Variants in POC5 observed in about 807,000 individuals in gnomAD.
POC5 encodes centrosomal protein POC5.
In POC5, 48 loss-of-function variants were observed where a neutral mutation model predicts 62.9. The ratio of observed to expected loss-of-function variants is 0.76; its 90% CI spans 0.61 to 0.97. POC5 has a LOEUF of 0.97. POC5 is among the 50% of genes least tolerant of loss of function. The pLI is 0.00. For missense variants in POC5, 696 were observed against 679.5 expected (o/e 1.02, Z -0.27); for synonymous variants, 236 against 228.2 (o/e 1.03, Z -0.31).
At chr5:75,686,286 A>G (rs2112102181) in intron 9 of POC5, among the ~76,000 whole-genome samples, 1 of 152,322 alleles carries the variant, frequency 6.6e-6, no homozygotes. Flanking sequence ...GGTATCAAAC[A>G]GTGTGGTGAG....
chr5:75,677,944 G>A lies in POC5; in HGVS notation c.1414C>T (p.Pro472Ser). 1 of 1,551,182 alleles carries A rather than the reference G, an allele frequency of 6.4e-7. No individual in the cohort carries two copies. Among genetic ancestry groups the A allele is most frequent in the Non-Finnish European group, 8.7e-7 (1 of 1,148,898 alleles). ...ATAASEEMYV[P>S]RVVTSAQQKA... is the part of the protein sequence containing the mutation. ...TGTTGTGCAGAGGTTACAACTCTTG[G>A]CACATACTAAGAAGAAAAAAAAATA... Residue 472 changes from proline (P) to serine (S), a missense_variant, in exon 11 of 12, where the codon CCA becomes TCA. Physicochemically the swap from Pro to Ser is moderately conservative, Grantham distance 74. Coordinates refer to ENST00000428202, the MANE Select transcript of POC5 (RefSeq NM_001099271.2).
At chr5:75,678,653 G>A (rs968734479) in intron 10 of POC5, among the ~76,000 whole-genome samples, 2 of 151,792 alleles carry the variant, frequency 1.3e-5, no homozygotes, top group African/African-American at 4.8e-5. Flanking sequence ...AGTTCTTAAT[G>A]AGATGGTTTT....
intron 10 of POC5, among the ~76,000 whole-genome samples, chr5:75,680,793 A>G (rs558227255): frequency 1.1e-3 from 174 of 152,314 alleles, no homozygotes; most frequent in African/African-American, 3.9e-3. Flanking sequence ...TGGAGATCAT[A>G]GAAAATATAT....
At chr5:75,708,582 C>T (rs1223028376) in intron 2 of POC5, among the ~76,000 whole-genome samples, 1 of 152,136 alleles carries the variant, frequency 6.6e-6, no homozygotes, top group Non-Finnish European at 1.5e-5. Flanking sequence ...CTATTACCCC[C>T]CAATTTCAAA....
At chr5:75,688,409 T>C (rs552488369) in intron 9 of POC5, among the ~76,000 whole-genome samples, 1 of 152,120 alleles carries the variant, frequency 6.6e-6, no homozygotes, top group African/African-American at 2.4e-5. Context: ...CCTGGGTAAA[T>C]TGGTGGCAAA....
chr5:75,716,710 G>A (rs1742595566), intron 1 of POC5, among the ~76,000 whole-genome samples: 1 of 152,214 alleles, frequency 6.6e-6, no homozygotes, highest in Non-Finnish European at 1.5e-5. Flanking sequence ...CAAAACTTTT[G>A]TGTGCTTCTC....
At chr5:75,702,337 A>T (rs893573341) in intron 5 of POC5, among the ~76,000 whole-genome samples, 1 of 152,084 alleles carries the variant, frequency 6.6e-6, no homozygotes, top group Non-Finnish European at 1.5e-5. Context: ...AATCAAACAA[A>T]CAAACAAGAG....
intron 1 of POC5, among the ~76,000 whole-genome samples, chr5:75,714,168 T>A (rs763438298): frequency 2.6e-4 from 39 of 152,150 alleles, no homozygotes; most frequent in South Asian, 4.2e-4. Flanking sequence ...TCACCTGAGG[T>A]CAGGAGTTTG....
intron 1 of POC5, among the ~76,000 whole-genome samples, chr5:75,715,295 G>C (rs1777507540): frequency 1.5e-5 from 2 of 136,374 alleles, no homozygotes; most frequent in Non-Finnish European, 3.1e-5. Flanking sequence ...GGGCGACAGA[G>C]TGAGACTCCG....
intron 5 of POC5, among the ~76,000 whole-genome samples, chr5:75,701,183 C>G (rs531457954): frequency 7.1e-6 from 1 of 140,470 alleles, no homozygotes; most frequent in South Asian, 2.5e-4. Context: ...GGATCTAGAA[C>G]TACAAATACC....
At position 75,702,744 on chromosome 5, in the gene POC5, A is replaced by C. The variant is rs759112140; in HGVS notation, c.374T>G (p.Leu125Arg). 6.2e-7 allele frequency: 1 copy of C among 1,602,276 alleles called. No individual in the cohort carries two copies. The change falls in exon 5 of 12, where the codon CTT (leucine) becomes CGT (arginine). Residue 125 changes from leucine (L) to arginine (R), a missense_variant. Physicochemically the swap from Leu to Arg is moderately radical, Grantham distance 102. Transcript: ENST00000428202. ...TGCTGGTGAGGAAGAGTCAGCTAAA[A>C]GATGTGAACTGAAAAAATCCATGAC... ...HPVMDFFSSH[L>R]LADSSSPATN...
At chr5:75,712,804 ATTTG>A (rs1777404197) in intron 2 of POC5, 46 bp downstream of exon 2, 3 of 1,351,510 alleles carry the variant, frequency 2.2e-6, no homozygotes, top group Non-Finnish European at 3.1e-6. Context: ...CCTTACATTC[ATTTG>A]TTTAAAATAA....
chr5:75,691,650 T>C (rs1776342904), intron 7 of POC5, among the ~76,000 whole-genome samples: 1 of 151,968 alleles, frequency 6.6e-6, no homozygotes, highest in African/African-American at 2.4e-5. Context: ...AATACTAATC[T>C]CTTGGAAACT....
intron 10 of POC5, among the ~76,000 whole-genome samples, chr5:75,681,096 TGAAATG>T (rs1165305479): frequency 6.6e-6 from 1 of 151,936 alleles, no homozygotes; most frequent in Non-Finnish European, 1.5e-5. Context: ...AGAAAAAAAA[TGAAATG>T]ACATTAAAAA....
chr5:75,713,185 C>T (rs1234598431), intron 1 of POC5, among the ~76,000 whole-genome samples: 2 of 152,192 alleles, frequency 1.3e-5, no homozygotes, highest in Non-Finnish European at 2.9e-5. Context: ...AGAAAAATCC[C>T]CAGCGGGGCC....
At chr5:75,710,824 T>C (rs2112210300) in intron 2 of POC5, among the ~76,000 whole-genome samples, 1 of 152,292 alleles carries the variant, frequency 6.6e-6, no homozygotes, top group South Asian at 2.1e-4. Context: ...CCAAGTCAGC[T>C]CTACTCAGAG....
chr5:75,694,062 G>C (rs1286432352), intron 6 of POC5, among the ~76,000 whole-genome samples: 4 of 152,090 alleles, frequency 2.6e-5, no homozygotes. Flanking sequence ...GCAGTCCCTG[G>C]CAGGGGCTGA....
chr5:75,701,700 C>A (rs907290178), intron 5 of POC5, among the ~76,000 whole-genome samples: 3 of 149,858 alleles, frequency 2.0e-5, no homozygotes, highest in African/African-American at 4.9e-5. Context: ...TGTACATGTA[C>A]CCTAAAACTT....
chr5:75,694,337 C>T (rs1034703013), intron 6 of POC5, among the ~76,000 whole-genome samples: 1 of 152,068 alleles, frequency 6.6e-6, no homozygotes, highest in African/African-American at 2.4e-5. Flanking sequence ...TTAGCACATA[C>T]TCTTTTTAAA....
Sources: allele counts gnomAD v4.1 joint callset (sites outside exome capture counted in the v4.1 genomes callset), GRCh38; gene constraint gnomAD v4.1.1; transcripts MANE v1.5; gene names NCBI Gene and HGNC (gene_info 2026-07-23, HGNC 2026-07-21).